KRAS: variants seen among roughly 807,000 people sequenced by gnomAD.
KRAS encodes KRas proto-oncogene, GTPase.
Under a neutral mutation model 21.0 loss-of-function variants are expected in KRAS, and 1 was observed. The ratio of observed to expected loss-of-function variants is 0.05; its 90% confidence interval spans 0.02 to 0.23. KRAS has a LOEUF of 0.23. KRAS is among the 10% of genes least tolerant of loss of function. KRAS has a pLI of 1.00. For missense variants in KRAS, 107 were observed against 221.8 expected, an observed-to-expected ratio of 0.48 and a Z score of 3.29; for synonymous variants, 67 against 72.5, an observed-to-expected ratio of 0.92 and a Z score of 0.39.
chr12:25,215,556 ACT>A (rs1592798700), intron 4 of KRAS: 3 of 1,610,020 alleles, frequency 1.9e-6, no homozygotes, highest in South Asian at 2.2e-5. Context: ...AGCATCCTCC[ACT>A]CTCTGCATTG....
rs1352958678 is a variant in KRAS, at chr12:25,209,128, A to T, written c.*667T>A. The T allele has an allele frequency of 9.3e-5, 54 of 581,512 alleles. No individual in the cohort carries two copies. The allele number at this position is 581,512 out of a possible 1,614,324, so 36.0% of individuals were successfully genotyped here. Reference sequence around the variant, plus strand: ...TCTTTATAGTAATTTATCTAATGTGAAAAGGAAATGGCCTTATAATAGTTT... The same window carrying T: ...TCTTTATAGTAATTTATCTAATGTGTAAAGGAAATGGCCTTATAATAGTTT... On this transcript the variant is annotated 3_prime_UTR_variant, in exon 5 of 5. Transcript: ENST00000311936.
intron 4 of KRAS, among the ~76,000 whole-genome samples, chr12:25,213,960 A>G (rs979880021): frequency 2.0e-5 from 3 of 152,230 alleles, no homozygotes; most frequent in Non-Finnish European, 4.4e-5. Context: ...AAGATTAAAA[A>G]TATGTAATTC....
intron 2 of KRAS, among the ~76,000 whole-genome samples, chr12:25,231,724 T>C (rs10842513): frequency 0.85 from 129,477 of 152,112 alleles, 55,844 homozygotes; most frequent in East Asian, 0.99. Flanking sequence ...TGATTAGAAA[T>C]AAAAGGTTTA....
In KRAS at chr12:25,245,719, A is replaced by C. The variant is rs61759634; in HGVS notation, c.-11-324T>G. On this transcript the variant is annotated intron_variant, in intron 1 of 4. Transcript: ENST00000311936. Reference sequence around the variant, plus strand: ...TGTTCTGCGGCGGCTAAAGGCTCTCAAAGGATCATATCATGACTTCACTCA... The same window carrying C: ...TGTTCTGCGGCGGCTAAAGGCTCTCCAAGGATCATATCATGACTTCACTCA... Among the ~76,000 whole-genome samples, 560 of 152,288 alleles carry C rather than the reference A, an allele frequency of 3.7e-3. 8 individuals are homozygous for C. The highest frequency in any genetic ancestry group is 0.013 in the African/African-American group (540 of 41,558).
intron 3 of KRAS, among the ~76,000 whole-genome samples, chr12:25,226,164 T>G (rs943264904): frequency 6.6e-6 from 1 of 152,166 alleles, no homozygotes; most frequent in African/African-American, 2.4e-5. Flanking sequence ...ATTAAAGCAT[T>G]AACATAATTT....
At chr12:25,247,572 C>T (rs1393160107) in intron 1 of KRAS, among the ~76,000 whole-genome samples, 2 of 152,192 alleles carry the variant, frequency 1.3e-5, no homozygotes, top group Non-Finnish European at 2.9e-5. Context: ...AGCTCTCTGC[C>T]TACCCCAACC....
intron 1 of KRAS, among the ~76,000 whole-genome samples, chr12:25,247,801 C>A (rs929992082): frequency 2.0e-5 from 3 of 152,170 alleles, no homozygotes; most frequent in Admixed American, 2.0e-4. Context: ...TCCATATCTT[C>A]TATTAAGCCA....
chr12:25,225,858 T>A (rs1642607335), intron 3 of KRAS, 85 bp from the exon 4 acceptor site: 1 of 1,347,154 alleles, frequency 7.4e-7, no homozygotes, highest in African/African-American at 1.4e-5. Flanking sequence ...TCATAAAATT[T>A]GGCTGAAAGA....
intron 4 of KRAS, among the ~76,000 whole-genome samples, chr12:25,218,050 A>G (rs752774632): frequency 6.6e-6 from 1 of 152,244 alleles, no homozygotes; most frequent in Non-Finnish European, 1.5e-5. Flanking sequence ...ATAACTTTGT[A>G]GCATGTAAAA....
chr12:25,213,534 A>C (rs533864303), intron 4 of KRAS, among the ~76,000 whole-genome samples: 1 of 152,366 alleles, frequency 6.6e-6, no homozygotes, highest in South Asian at 2.1e-4. Flanking sequence ...AAACATTCAG[A>C]GTTCATAAAT....
At chr12:25,233,203 T>C (rs1242659003) in intron 2 of KRAS, among the ~76,000 whole-genome samples, 1 of 152,192 alleles carries the variant, frequency 6.6e-6, no homozygotes. Flanking sequence ...CAGGTATCCC[T>C]GCTGTTAATC....
Position 25,245,256 on chromosome 12 carries a change from T to C in KRAS, c.111+18A>G, listed in dbSNP as rs1433031773. 1.3e-6 allele frequency: 2 copies of C among 1,592,074 alleles called. No homozygotes were observed. Among genetic ancestry groups the C allele is most frequent in the Non-Finnish European group, 8.6e-7 (1 of 1,166,538 alleles). On this transcript the variant is annotated intron_variant, in intron 2 of 4. Transcript: ENST00000311936. ...AATGGTCCTGCACCAGTAATATGCATATTAAAACAAGATTTACCTCTATTG... is the reference window on the plus strand; with the variant it reads ...AATGGTCCTGCACCAGTAATATGCACATTAAAACAAGATTTACCTCTATTG...
chr12:25,225,342 A>G, intron 4 of KRAS: 1 of 210,656 alleles, frequency 4.7e-6, no homozygotes, highest in Non-Finnish European at 9.6e-6. Flanking sequence ...ATATGTAACC[A>G]TGGGAAAAAA....
At chr12:25,227,128 TA>T in intron 3 of KRAS, 105 bp downstream of exon 3, 1 of 739,454 alleles carries the variant, frequency 1.4e-6, no homozygotes, top group Non-Finnish European at 2.1e-6. Context: ...AAACATTATT[TA>T]AAAATTTTTA....
In KRAS at chr12:25,215,318, ATCTTT is replaced by A. The variant is rs1042560787; in HGVS notation, c.451-5412_451-5408del. 31 of 1,425,594 alleles carry A rather than the reference ATCTTT, an allele frequency of 2.2e-5. No individual in the cohort carries two copies. The African/African-American group carries it at 4.5e-4, about 21-fold the overall frequency. The allele number at this position is 1,425,594 out of a possible 1,614,324, so 88.3% of individuals were successfully genotyped here. ...TACTAATTATGGAAACAAGTTTCTTATCTTTTAATACTTCAAGTTAGAATACTACA... is the reference window on the plus strand; with the variant it reads ...TACTAATTATGGAAACAAGTTTCTTATAATACTTCAAGTTAGAATACTACA... On this transcript the variant is annotated intron_variant, in intron 4 of 4. Transcript: ENST00000311936.
chr12:25,219,599 G>C (rs1248369326), intron 4 of KRAS, among the ~76,000 whole-genome samples: 5 of 152,176 alleles, frequency 3.3e-5, no homozygotes, highest in African/African-American at 1.2e-4. Context: ...ACAAATGCAA[G>C]ACTACCAGCC....
Position 25,209,599 on chromosome 12 carries a change from T to A in KRAS, c.*196A>T. ...GCATTGCTAGTTCAAAAACCAAAAC[T>A]CTGGGAATACTGGCACTTAGAGGAA... On this transcript the variant is annotated 3_prime_UTR_variant, in exon 5 of 5. Transcript: ENST00000311936. 7.4e-7 allele frequency: 1 copy of A among 1,343,788 alleles called. No homozygotes were observed. Among genetic ancestry groups the A allele is most frequent in the Non-Finnish European group, 9.5e-7 (1 of 1,050,612 alleles). 83.2% of individuals were successfully genotyped at this position (1,343,788 alleles called of 1,614,324 possible).
chr12:25,218,054 T>C (rs981765276), intron 4 of KRAS, among the ~76,000 whole-genome samples: 1 of 152,188 alleles, frequency 6.6e-6, no homozygotes, highest in Non-Finnish European at 1.5e-5. Flanking sequence ...CTTTGTAGCA[T>C]GTAAAATGTA....
chr12:25,224,720 T>C (rs1208060722), intron 4 of KRAS, among the ~76,000 whole-genome samples: 3 of 152,170 alleles, frequency 2.0e-5, no homozygotes, highest in Admixed American at 2.0e-4. Context: ...AGTTACATAC[T>C]GTACAGGTTT....
Sources: allele counts gnomAD v4.1 joint callset (sites outside exome capture counted in the v4.1 genomes callset), GRCh38; gene constraint gnomAD v4.1.1; transcripts MANE v1.5; gene names NCBI Gene and HGNC (gene_info 2026-07-23, HGNC 2026-07-21).